NALF1: variants seen among roughly 807,000 people sequenced by gnomAD.
NALF1 encodes NALCN channel auxiliary factor 1.
A neutral mutation model predicts 48.4 loss-of-function variants in NALF1; 3 were observed. The observed-to-expected ratio is 0.06, with a 90% CI of 0.03 to 0.16. NALF1 has a LOEUF of 0.16. Among genes scored for constraint, NALF1 ranks in the 10% least tolerant of loss-of-function variants. The pLI, the probability that NALF1 is intolerant of heterozygous loss-of-function variation, is 1.00. For synonymous variants in NALF1, 262 were observed against 245.7 expected (o/e 1.07, Z -0.62); for missense variants, 526 against 571.5 (o/e 0.92, Z 0.81).
At chr13:107,833,273 C>A (rs1879794926) in intron 1 of NALF1, among the ~76,000 whole-genome samples, 1 of 152,176 alleles carries the variant, frequency 6.6e-6, no homozygotes, top group South Asian at 2.1e-4. Flanking sequence ...CAGTGTCTTA[C>A]CTATACCACA....
intron 1 of NALF1, among the ~76,000 whole-genome samples, chr13:107,821,969 A>C (rs1879371540): frequency 6.6e-6 from 1 of 152,088 alleles, no homozygotes; most frequent in African/African-American, 2.4e-5. Flanking sequence ...AAATTACAAC[A>C]GATGTGGACA....
intron 1 of NALF1, among the ~76,000 whole-genome samples, chr13:107,449,758 G>A (rs1884709984): frequency 6.6e-6 from 1 of 152,236 alleles, no homozygotes; most frequent in East Asian, 1.9e-4. Context: ...AGTATGTGTT[G>A]GAGGCTATTC....
intron 1 of NALF1, among the ~76,000 whole-genome samples, chr13:107,713,699 G>A (rs932563962): frequency 1.6e-4 from 25 of 152,190 alleles, no homozygotes; most frequent in African/African-American, 5.3e-4. Context: ...GAAGGCAAAA[G>A]AATGATAAAA....
At chr13:107,231,058 CAAAAA>C (rs3072074) in intron 1 of NALF1, among the ~76,000 whole-genome samples, 31 of 83,568 alleles carry the variant, frequency 3.7e-4, no homozygotes, top group African/African-American at 9.9e-4. Context: ...AAGACCCGGC[CAAAAA>C]AAAAAAAAAA....
intron 1 of NALF1, among the ~76,000 whole-genome samples, chr13:107,494,720 T>C (rs1379708215): frequency 2.6e-5 from 4 of 152,166 alleles, no homozygotes; most frequent in African/African-American, 9.7e-5. Context: ...TGACAGTGTT[T>C]CCTAAAAGTT....
At position 107,630,483 on chromosome 13, in the gene NALF1, C is replaced by T. The variant is rs575090379; in HGVS notation, c.915+235199G>A. On this transcript the variant is annotated intron_variant, in intron 1 of 2. Coordinates refer to ENST00000375915, the MANE Select transcript of NALF1 (RefSeq NM_001080396.3). ...GGCATTTCTTATAGTACTCAAAAGT[C>T]ATCTTTGTACAAATATATAATTTTT... Among the ~76,000 whole-genome samples the T allele has an allele frequency of 3.9e-5, 6 of 152,186 alleles. No homozygotes were observed. The South Asian group carries it at 1.2e-3, about 32-fold the overall frequency.
At chr13:107,309,298 G>A (rs2138901845) in intron 1 of NALF1, among the ~76,000 whole-genome samples, 1 of 152,322 alleles carries the variant, frequency 6.6e-6, no homozygotes, top group Admixed American at 6.5e-5. Flanking sequence ...GTGTTCTTCA[G>A]TATGATGTCA....
chr13:107,703,884 T>C (rs1008276710), intron 1 of NALF1, among the ~76,000 whole-genome samples: 1 of 152,208 alleles, frequency 6.6e-6, no homozygotes, highest in Non-Finnish European at 1.5e-5. Flanking sequence ...ATAGCATCTG[T>C]AGCTTCATAA....
chr13:107,854,864 A>G (rs816993), intron 1 of NALF1, among the ~76,000 whole-genome samples: 117,442 of 145,708 alleles, frequency 0.81, 47,673 homozygotes, highest in Non-Finnish European at 0.85. Flanking sequence ...CACAGGTTCC[A>G]TCTCAAAAAA....
At position 107,597,201 on chromosome 13, in the gene NALF1, A is replaced by G. The variant is rs574904146; in HGVS notation, c.915+268481T>C. Among the ~76,000 whole-genome samples the G allele has an allele frequency of 1.6e-3, 241 of 152,326 alleles. 1 individual carries two copies. Among genetic ancestry groups the G allele is most frequent in the African/African-American group, 5.5e-3 (227 of 41,580 alleles). ...GTCAATCCTTGAAGAAGTCTATGTTATCAAAGACATTAGCATAAAGCAGCA... is the reference window on the plus strand; with the variant it reads ...GTCAATCCTTGAAGAAGTCTATGTTGTCAAAGACATTAGCATAAAGCAGCA... On this transcript the variant is annotated intron_variant, in intron 1 of 2. Coordinates refer to ENST00000375915, the MANE Select transcript of NALF1 (RefSeq NM_001080396.3).
chr13:107,639,250 T>C (rs567558725), intron 1 of NALF1, among the ~76,000 whole-genome samples: 25 of 152,292 alleles, frequency 1.6e-4, no homozygotes, highest in African/African-American at 5.5e-4. Flanking sequence ...TGCTCTTTCA[T>C]AGTATATGGC....
intron 1 of NALF1, among the ~76,000 whole-genome samples, chr13:107,714,626 T>TAAAA (rs10633995): frequency 7.9e-6 from 1 of 126,490 alleles, no homozygotes; most frequent in Admixed American, 8.5e-5. Context: ...GAGGCTTTAT[T>TAAAA]AAAAAAAAAA....
chr13:107,850,009 T>C (rs1880269115), intron 1 of NALF1, among the ~76,000 whole-genome samples: 1 of 152,250 alleles, frequency 6.6e-6, no homozygotes, highest in Admixed American at 6.5e-5. Context: ...TATGCAACCT[T>C]TGAAAATTAA....
chr13:107,290,011 C>T (rs904744755), intron 1 of NALF1, among the ~76,000 whole-genome samples: 1 of 152,038 alleles, frequency 6.6e-6, no homozygotes, highest in Non-Finnish European at 1.5e-5. Flanking sequence ...AGGATGTTTC[C>T]ACTTCGGGTT....
chr13:107,757,893 A>G (rs955413214), intron 1 of NALF1, among the ~76,000 whole-genome samples: 1 of 152,208 alleles, frequency 6.6e-6, no homozygotes, highest in Admixed American at 6.5e-5. Flanking sequence ...ATCATCCTTG[A>G]TGGTTATTGA....
intron 1 of NALF1, among the ~76,000 whole-genome samples, chr13:107,737,131 A>G (rs1876490053): frequency 6.6e-6 from 1 of 152,226 alleles, no homozygotes; most frequent in Admixed American, 6.5e-5. Flanking sequence ...CGTAAATGGC[A>G]TTATTAATAG....
intron 1 of NALF1, among the ~76,000 whole-genome samples, chr13:107,832,106 G>A (rs2036707): frequency 0.16 from 24,828 of 151,984 alleles, 2,953 homozygotes; most frequent in African/African-American, 0.33. Flanking sequence ...AACCAAAACT[G>A]TGACATGAAC....
chr13:107,270,045 C>A (rs1594098053), intron 1 of NALF1, among the ~76,000 whole-genome samples: 1 of 149,252 alleles, frequency 6.7e-6, no homozygotes, highest in African/African-American at 2.5e-5. Flanking sequence ...GCTGGGATTA[C>A]AGGCGTGAGC....
At chr13:107,814,578 C>G (rs1412032995) in intron 1 of NALF1, among the ~76,000 whole-genome samples, 2 of 151,932 alleles carry the variant, frequency 1.3e-5, no homozygotes, top group Admixed American at 6.6e-5. Flanking sequence ...GAAGAAGTTA[C>G]TAGAGATAAA....
Sources: gnomAD v4.1 joint callset for allele counts (sites outside exome capture counted in the v4.1 genomes callset) on GRCh38, gnomAD v4.1.1 for gene constraint, MANE v1.5 for transcripts, NCBI Gene and HGNC (gene_info 2026-07-23, HGNC 2026-07-21) for gene names.